The following DYM variants were observed in gnomAD, a reference collection of about 807,000 sequenced individuals.
DYM encodes the protein dyggve-Melchior-Clausen syndrome protein.
DYM carries 78 observed loss-of-function variants against 93.1 expected under a neutral mutation model. The ratio of observed to expected loss-of-function variants is 0.84; its 90% CI spans 0.70 to 1.01. The LOEUF (loss-of-function observed/expected upper bound fraction) is 1.01, where lower values mean the gene tolerates loss of function less well. Among genes scored for constraint, DYM ranks in the 50% least tolerant of loss-of-function variants. The pLI, the probability that DYM is intolerant of heterozygous loss-of-function variation, is 0.00. For missense variants in DYM, 789 were observed against 845.0 expected (o/e 0.93, Z 0.82); for synonymous variants, 321 against 319.7 (o/e 1.00, Z -0.04).
intron 14 of DYM, among the ~76,000 whole-genome samples, chr18:49,198,387 T>G (rs1052305462): frequency 4.6e-5 from 7 of 152,060 alleles, no homozygotes; most frequent in Non-Finnish European, 7.4e-5. Flanking sequence ...AAATGGGATC[T>G]AATTCAACTA....
At chr18:49,068,366 G>A (rs1478781435) in intron 17 of DYM, among the ~76,000 whole-genome samples, 2 of 152,232 alleles carry the variant, frequency 1.3e-5, no homozygotes, top group Non-Finnish European at 2.9e-5. Flanking sequence ...AATGCTGAGA[G>A]AAAGGATATT....
intron 12 of DYM, 71 bp downstream of exon 12, chr18:49,258,309 G>T: frequency 9.4e-7 from 1 of 1,058,408 alleles, no homozygotes; most frequent in Non-Finnish European, 1.5e-6. Flanking sequence ...CCTAAAAATT[G>T]GGATTGCTTT....
At chr18:49,452,816 G>T (rs1226542051) in intron 1 of DYM, among the ~76,000 whole-genome samples, 1 of 135,094 alleles carries the variant, frequency 7.4e-6, no homozygotes, top group East Asian at 2.2e-4. Context: ...AGCCAGCTGG[G>T]CTCCTGAGTC....
At chr18:49,102,260 A>C (rs2080242612) in intron 16 of DYM, among the ~76,000 whole-genome samples, 1 of 152,134 alleles carries the variant, frequency 6.6e-6, no homozygotes, top group Admixed American at 6.5e-5. Context: ...TAAGGCTGTA[A>C]ATTTCTCTCT....
intron 15 of DYM, among the ~76,000 whole-genome samples, chr18:49,151,343 C>T (rs1033427809): frequency 2.6e-5 from 4 of 152,026 alleles, no homozygotes; most frequent in African/African-American, 4.8e-5. Flanking sequence ...GCTGAATTCT[C>T]GAATACAATT....
intron 13 of DYM, among the ~76,000 whole-genome samples, chr18:49,252,084 T>C (rs983584962): frequency 2.0e-5 from 3 of 151,170 alleles, no homozygotes; most frequent in Admixed American, 6.6e-5. Context: ...CATGGTGGCA[T>C]GCACCTACCT....
At chr18:49,420,705 C>A (rs2073584494) in intron 2 of DYM, among the ~76,000 whole-genome samples, 1 of 152,048 alleles carries the variant, frequency 6.6e-6, no homozygotes, top group African/African-American at 2.4e-5. Flanking sequence ...GGACCGTGAA[C>A]CGAAGCAGGG....
chr18:49,185,285 T>A (rs1314573775), intron 14 of DYM, among the ~76,000 whole-genome samples: 2 of 152,202 alleles, frequency 1.3e-5, no homozygotes, highest in Non-Finnish European at 2.9e-5. Flanking sequence ...CAACAGAACC[T>A]ATCTGCTACA....
At chr18:49,211,202 C>A (rs1007968571) in intron 13 of DYM, among the ~76,000 whole-genome samples, 3 of 151,956 alleles carry the variant, frequency 2.0e-5, no homozygotes, top group Non-Finnish European at 4.4e-5. Flanking sequence ...AGCCTCAAAC[C>A]CATAAGCGAA....
chr18:49,256,729 G>A (rs745800071), intron 13 of DYM, among the ~76,000 whole-genome samples: 1 of 152,062 alleles, frequency 6.6e-6, no homozygotes, highest in Non-Finnish European at 1.5e-5. Flanking sequence ...TATTTAATTT[G>A]CATTACTAAG....
intron 8 of DYM, among the ~76,000 whole-genome samples, chr18:49,293,759 G>A (rs1229793149): frequency 6.6e-6 from 1 of 152,142 alleles, no homozygotes; most frequent in African/African-American, 2.4e-5. Context: ...CTCCCATTCT[G>A]TAGGTTGCCT....
intron 11 of DYM, among the ~76,000 whole-genome samples, chr18:49,261,065 T>C (rs749313280): frequency 1.3e-5 from 2 of 152,180 alleles, no homozygotes; most frequent in Non-Finnish European, 2.9e-5. Flanking sequence ...GATCATTCTC[T>C]AGCAAGTCTA....
intron 13 of DYM, among the ~76,000 whole-genome samples, chr18:49,249,176 C>G (rs953724583): frequency 4.6e-5 from 7 of 152,188 alleles, no homozygotes; most frequent in Non-Finnish European, 1.0e-4. Context: ...GGGATAGCCA[C>G]TTACCAGCTG....
chr18:49,343,892 G>T (rs1322588532), intron 6 of DYM, among the ~76,000 whole-genome samples: 1 of 151,224 alleles, frequency 6.6e-6, no homozygotes, highest in Non-Finnish European at 1.5e-5. Context: ...AGGATCACTT[G>T]AGGCCAGGAG....
intron 14 of DYM, among the ~76,000 whole-genome samples, chr18:49,170,172 C>A (rs1162115724): frequency 6.6e-6 from 1 of 152,184 alleles, no homozygotes; most frequent in African/African-American, 2.4e-5. Context: ...ATTATCCATT[C>A]TCCCTCCCCC....
intron 6 of DYM, among the ~76,000 whole-genome samples, chr18:49,341,489 C>T (rs1286231218): frequency 1.4e-4 from 4 of 27,928 alleles, no homozygotes; most frequent in South Asian, 2.2e-3. Context: ...GAGACTCCAT[C>T]GCAAAAAAAA....
At chr18:49,308,123 T>C (rs1051825075) in intron 8 of DYM, among the ~76,000 whole-genome samples, 1 of 152,150 alleles carries the variant, frequency 6.6e-6, no homozygotes. Flanking sequence ...TCTATACATA[T>C]ATCTAGGAAC....
At chr18:49,453,813 G>A (rs889116118) in intron 1 of DYM, among the ~76,000 whole-genome samples, 1 of 152,158 alleles carries the variant, frequency 6.6e-6, no homozygotes, top group Non-Finnish European at 1.5e-5. Context: ...TCACACCCTG[G>A]CTATGCAAAG....
intron 2 of DYM, among the ~76,000 whole-genome samples, chr18:49,413,614 A>G (rs2072552377): frequency 6.7e-6 from 1 of 150,260 alleles, no homozygotes; most frequent in Non-Finnish European, 1.5e-5. Flanking sequence ...AGAGTACAGC[A>G]AACTGAAGTT....
Sources: gnomAD v4.1 joint callset for allele counts (sites outside exome capture counted in the v4.1 genomes callset) on GRCh38, gnomAD v4.1.1 for gene constraint, MANE v1.5 for transcripts, NCBI Gene and HGNC (gene_info 2026-07-23, HGNC 2026-07-21) for gene names.